The following CLEC16A variants were observed in gnomAD, a reference collection of about 807,000 sequenced individuals.
The protein encoded by CLEC16A is protein CLEC16A.
A neutral mutation model predicts 109.5 loss-of-function variants in CLEC16A; 51 were observed. The observed-to-expected ratio is 0.47, with a 90% CI of 0.37 to 0.59. CLEC16A has a LOEUF of 0.59. Ranked by LOEUF, CLEC16A falls within the 20% of genes least tolerant of loss-of-function variation. CLEC16A has a pLI of 0.00. For missense variants in CLEC16A, 1,339 were observed against 1,394.0 expected, an observed-to-expected ratio of 0.96 and a Z score of 0.63; for synonymous variants, 673 against 564.2, an observed-to-expected ratio of 1.19 and a Z score of -2.73.
chr16:11,064,201 A>G (rs1191962755), intron 19 of CLEC16A, among the ~76,000 whole-genome samples: 1 of 152,192 alleles, frequency 6.6e-6, no homozygotes, highest in Non-Finnish European at 1.5e-5. Flanking sequence ...ATATTATTAC[A>G]TCTAGAAATA....
intron 19 of CLEC16A, among the ~76,000 whole-genome samples, chr16:11,087,303 C>G (rs1433591178): frequency 6.6e-6 from 1 of 152,146 alleles, no homozygotes; most frequent in Non-Finnish European, 1.5e-5. Context: ...AGAGCCTCAC[C>G]TGGACCCGGT....
At chr16:11,021,853 G>C (rs142868546) in intron 12 of CLEC16A, among the ~76,000 whole-genome samples, 262 of 152,190 alleles carry the variant, frequency 1.7e-3, no homozygotes, top group African/African-American at 5.9e-3. Context: ...AGTTCCTTAG[G>C]GTTTGATAAA....
chr16:11,104,806 G>T (rs753954233), intron 19 of CLEC16A, among the ~76,000 whole-genome samples: 1 of 152,172 alleles, frequency 6.6e-6, no homozygotes, highest in Non-Finnish European at 1.5e-5. Context: ...CATCCCTGTA[G>T]CCCAGTACCC....
intron 19 of CLEC16A, among the ~76,000 whole-genome samples, chr16:11,097,677 G>A (rs1024057487): frequency 1.3e-5 from 2 of 152,196 alleles, no homozygotes; most frequent in African/African-American, 4.8e-5. Context: ...TTCCCTGTGT[G>A]TGAAAAATCC....
chr16:10,971,935 A>G (rs955564876), intron 5 of CLEC16A, among the ~76,000 whole-genome samples: 2 of 152,186 alleles, frequency 1.3e-5, no homozygotes, highest in Non-Finnish European at 2.9e-5. Context: ...TTTGACTTTC[A>G]TGAGCCAAAA....
At chr16:11,010,183 A>T (rs913342114) in intron 11 of CLEC16A, among the ~76,000 whole-genome samples, 4 of 150,456 alleles carry the variant, frequency 2.7e-5, no homozygotes, top group African/African-American at 9.7e-5. Flanking sequence ...CAAGAGCTCT[A>T]ATTCTAAATG....
chr16:10,956,565 T>C (rs899374860), intron 1 of CLEC16A, among the ~76,000 whole-genome samples: 3 of 152,206 alleles, frequency 2.0e-5, no homozygotes, highest in African/African-American at 7.2e-5. Flanking sequence ...CCTGGGGCTG[T>C]GGGCCCTGGA....
In CLEC16A at chr16:11,171,774, A is replaced by G. The variant is rs527385435; in HGVS notation, c.2806+5222A>G. Among the ~76,000 whole-genome samples, 5 of 152,352 alleles carry G rather than the reference A, an allele frequency of 3.3e-5. No individual in the cohort carries two copies. The East Asian group carries it at 7.7e-4, about 23-fold the overall frequency. ...CACCCACACAGTGACACTTCTGCATACACACAGTCACACATGCCAATGCGC... is the reference window on the plus strand; with the variant it reads ...CACCCACACAGTGACACTTCTGCATGCACACAGTCACACATGCCAATGCGC... On this transcript the variant is annotated intron_variant, in intron 23 of 23. Coordinates refer to ENST00000409790, the MANE Select transcript of CLEC16A (RefSeq NM_015226.3).
rs741177 is a variant in CLEC16A at position 11,051,791 on chromosome 16, C to T, written c.1995+150C>T. 0.13 allele frequency: 132,724 copies of T among 1,009,318 alleles called. 10,681 individuals are homozygous for T. Among genetic ancestry groups the T allele is most frequent in the African/African-American group, 0.33 (20,441 of 61,492 alleles). 62.5% of individuals were successfully genotyped at this position (1,009,318 alleles called of 1,614,324 possible). A position where few individuals can be genotyped will look rare whatever the true frequency, so the allele number is the denominator to read the frequency against. ...TAGAGAGTACCCATTTGCCCCCAGG[C>T]ATGACTTTCCAAGGCATGTTTTTAC... On this transcript the variant is annotated intron_variant, in intron 18 of 23. Coordinates refer to ENST00000409790, the MANE Select transcript of CLEC16A (RefSeq NM_015226.3).
rs1203978045 is a variant in CLEC16A at position 11,129,350 on chromosome 16, CAT to C, written c.2641+3206_2641+3207del. On this transcript the variant is annotated intron_variant, in intron 22 of 23. Transcript: ENST00000409790. ...TGAACAATAACTCTGTTTTCCAAAACATAGAAAAAAATTGATCTTGCACATTT... is the reference window on the plus strand; with the variant it reads ...TGAACAATAACTCTGTTTTCCAAAACAGAAAAAAATTGATCTTGCACATTT... Among the ~76,000 whole-genome samples, 12 of 152,100 alleles carry C rather than the reference CAT, an allele frequency of 7.9e-5. 1 individual carries two copies. The East Asian group carries it at 1.2e-3, about 15-fold the overall frequency.
intron 17 of CLEC16A, among the ~76,000 whole-genome samples, chr16:11,050,748 T>C (rs1299163949): frequency 6.6e-6 from 1 of 152,220 alleles, no homozygotes; most frequent in South Asian, 2.1e-4. Context: ...GTGTCCCTTT[T>C]ATGATGGGCC....
At chr16:11,093,533 G>C (rs569086567) in intron 19 of CLEC16A, among the ~76,000 whole-genome samples, 1 of 152,300 alleles carries the variant, frequency 6.6e-6, no homozygotes, top group African/African-American at 2.4e-5. Context: ...GCAGTGACTG[G>C]TCACCTTTCT....
intron 6 of CLEC16A, 29 bp from the exon 7 acceptor site, chr16:10,972,909 C>CTTTTT: frequency 1.3e-6 from 2 of 1,521,140 alleles, no homozygotes; most frequent in Non-Finnish European, 1.8e-6. Flanking sequence ...GGTAGCTTGA[C>CTTTTT]TTTTTTTTTC....
chr16:11,141,044 G>A (rs949856914), intron 22 of CLEC16A, among the ~76,000 whole-genome samples: 4 of 152,228 alleles, frequency 2.6e-5, no homozygotes, highest in South Asian at 2.1e-4. Flanking sequence ...GGGCTCAGAC[G>A]GATAGAGCTG....
chr16:10,967,256 T>G (rs11864628), intron 3 of CLEC16A, among the ~76,000 whole-genome samples: 3,449 of 152,202 alleles, frequency 0.023, 119 homozygotes, highest in African/African-American at 0.079. Flanking sequence ...CTTTGTGGTG[T>G]TTTTGATGAT....
chr16:10,951,303 A>C (rs541641650), intron 1 of CLEC16A, among the ~76,000 whole-genome samples: 64 of 152,354 alleles, frequency 4.2e-4, no homozygotes, highest in African/African-American at 1.3e-3. Context: ...TCTTTTCCAG[A>C]CAAATGGGAG....
At chr16:11,176,227 G>A (rs780054995) in intron 23 of CLEC16A, among the ~76,000 whole-genome samples, 2 of 152,238 alleles carry the variant, frequency 1.3e-5, no homozygotes, top group Non-Finnish European at 2.9e-5. Context: ...CATCCTTACT[G>A]AATGGAGCAA....
intron 19 of CLEC16A, among the ~76,000 whole-genome samples, chr16:11,114,485 C>T (rs569324134): frequency 6.6e-6 from 1 of 152,284 alleles, no homozygotes; most frequent in African/African-American, 2.4e-5. Context: ...CTGCCACATA[C>T]CACGACAGAG....
chr16:11,024,721 G>C (rs1185013548), intron 12 of CLEC16A, 100 bp from the exon 13 acceptor site: 1 of 825,980 alleles, frequency 1.2e-6, no homozygotes, highest in Admixed American at 2.0e-5. Flanking sequence ...GGCCTAAAGA[G>C]CTGTGTCAAA....
Sources: allele counts gnomAD v4.1 joint callset (sites outside exome capture counted in the v4.1 genomes callset), GRCh38; gene constraint gnomAD v4.1.1; transcripts MANE v1.5; gene names NCBI Gene and HGNC (gene_info 2026-07-23, HGNC 2026-07-21).